The following SLC26A7 variants were observed in gnomAD, a reference collection of about 807,000 sequenced individuals.
SLC26A7 encodes solute carrier family 26 member 7.
Under a neutral mutation model 82.5 loss-of-function variants are expected in SLC26A7, and 59 were observed. The ratio of observed to expected loss-of-function variants is 0.72; its 90% CI spans 0.58 to 0.89. The LOEUF (loss-of-function observed/expected upper bound fraction) is 0.89. SLC26A7 is among the 40% of genes least tolerant of loss of function. SLC26A7 has a pLI of 0.00. For synonymous variants in SLC26A7, 271 were observed against 274.3 expected, an observed-to-expected ratio of 0.99 and a Z score of 0.12; for missense variants, 820 against 793.0, an observed-to-expected ratio of 1.03 and a Z score of -0.41.
chr8:91,226,111 T>C (rs1810236101), intron 2 of SLC26A7, among the ~76,000 whole-genome samples: 1 of 152,208 alleles, frequency 6.6e-6, no homozygotes, highest in South Asian at 2.1e-4. Context: ...CTTTATCAAA[T>C]GAATCTCTAC....
rs190062973 is a variant in SLC26A7 at position 91,352,833 on chromosome 8, C to A, written c.1219-68C>A. 202 of 1,241,420 alleles carry A rather than the reference C, an allele frequency of 1.6e-4. 1 individual carries two copies. The highest frequency in any genetic ancestry group is 2.0e-5 in the Non-Finnish European group (17 of 867,116). 76.9% of individuals were successfully genotyped at this position (1,241,420 alleles called of 1,614,324 possible). ...TTTAAAAACAAAAAAATAAAAATAC[C>A]TTAGCCCTTTTAAATTTAAGTTAAA... is the stretch of plus-strand genomic sequence containing the variant. On this transcript the variant is annotated intron_variant, in intron 10 of 18. Coordinates refer to ENST00000276609, the MANE Select transcript of SLC26A7 (RefSeq NM_052832.4).
rs1482221254 is a variant in SLC26A7 at position 91,249,752 on chromosome 8, T to TTTTGGATTG, written c.102_110dup (p.Asp36_Trp37insCysLeuAsp). On this transcript the variant is annotated inframe_insertion, in exon 2 of 19. Coordinates refer to ENST00000276609, the MANE Select transcript of SLC26A7 (RefSeq NM_052832.4). Reference sequence around the variant, plus strand: ...CAGTGGTGTAGAAGGCGACTGCCCATTTTGGATTGGGCACCACATTACAAT... The same window carrying TTTTGGATTG: ...CAGTGGTGTAGAAGGCGACTGCCCATTTTGGATTGTTTGGATTGGGCACCACATTACAAT... 6.2e-7 allele frequency: 1 copy of TTTTGGATTG among 1,612,416 alleles called. No homozygotes were observed. The highest frequency in any genetic ancestry group is 1.3e-5 in the African/African-American group (1 of 74,868).
Position 91,213,847 on chromosome 8 carries a change from T to C in SLC26A7, c.-150+4305T>C, listed in dbSNP as rs540680245. Among the ~76,000 whole-genome samples, 7 of 152,222 alleles carry C rather than the reference T, an allele frequency of 4.6e-5. No homozygotes were observed. In the East Asian group the frequency reaches 1.2e-3, roughly 25 times the overall value. On this transcript the variant is annotated intron_variant, in intron 1 of 5. Coordinates refer to the SLC26A7 transcript ENST00000522862. ...TAAATCATGTTCATAGGGCAGTGAA[T>C]CAGTTAGGTTGGTTTGTGGATAGGA...
At position 91,331,973 on chromosome 8, in the gene SLC26A7, C is replaced by T. The variant is rs1279523668; in HGVS notation, c.643-2322C>T. On this transcript the variant is annotated intron_variant, in intron 5 of 18. Coordinates refer to ENST00000276609, the MANE Select transcript of SLC26A7 (RefSeq NM_052832.4). The stretch of plus-strand genomic sequence containing the variant: ...TTCTGTTATCTGTTTATGTCCTCTG[C>T]TAATTTTAAAATATTTATTTTCTAT... Among the ~76,000 whole-genome samples the T allele has an allele frequency of 2.6e-5, 4 of 151,544 alleles. No homozygotes were observed. The East Asian group carries it at 7.7e-4, about 29-fold the overall frequency.
intron 2 of SLC26A7, among the ~76,000 whole-genome samples, chr8:91,229,974 G>C (rs1315739726): frequency 6.6e-6 from 1 of 151,960 alleles, no homozygotes; most frequent in African/African-American, 2.4e-5. Flanking sequence ...CTTCACCCCC[G>C]GCAAACAACC....
At chr8:91,368,882 A>C (rs908746825) in intron 14 of SLC26A7, among the ~76,000 whole-genome samples, 5 of 152,366 alleles carry the variant, frequency 3.3e-5, no homozygotes, top group East Asian at 1.9e-4. Context: ...AAATAGAGAG[A>C]GATAAAATAA....
intron 15 of SLC26A7, among the ~76,000 whole-genome samples, chr8:91,371,327 A>G (rs1451809769): frequency 6.6e-6 from 1 of 151,744 alleles, no homozygotes; most frequent in Non-Finnish European, 1.5e-5. Context: ...GACGTGCAGG[A>G]TGATTACACT....
chr8:91,317,722 C>T (rs1047066831), intron 4 of SLC26A7, among the ~76,000 whole-genome samples: 1 of 151,964 alleles, frequency 6.6e-6, no homozygotes, highest in African/African-American at 2.4e-5. Context: ...ATGTCTTTTC[C>T]TTTTTAAAAT....
At chr8:91,336,018 C>T (rs1356072620) in intron 6 of SLC26A7, among the ~76,000 whole-genome samples, 1 of 152,126 alleles carries the variant, frequency 6.6e-6, no homozygotes, top group Non-Finnish European at 1.5e-5. Context: ...ACTCCATCAC[C>T]ACTACGACTG....
intron 18 of SLC26A7, chr8:91,394,265 A>G (rs1189292007): frequency 1.2e-6 from 2 of 1,613,282 alleles, no homozygotes; most frequent in East Asian, 4.5e-5. Flanking sequence ...CAACAATGCC[A>G]CCGCTCTGAG....
At chr8:91,313,875 C>T (rs780601417) in intron 4 of SLC26A7, among the ~76,000 whole-genome samples, 9 of 152,208 alleles carry the variant, frequency 5.9e-5, no homozygotes, top group Non-Finnish European at 1.3e-4. Context: ...ATTCTATCCG[C>T]TTGGCTAATA....
At chr8:91,296,748 C>A (rs747762741) in intron 4 of SLC26A7, among the ~76,000 whole-genome samples, 5 of 152,108 alleles carry the variant, frequency 3.3e-5, no homozygotes, top group Non-Finnish European at 7.4e-5. Flanking sequence ...GACTGGTGGA[C>A]CAATCAGTAT....
At chr8:91,264,697 G>C (rs1452539641) in intron 2 of SLC26A7, among the ~76,000 whole-genome samples, 2 of 151,882 alleles carry the variant, frequency 1.3e-5, no homozygotes, top group African/African-American at 4.8e-5. Flanking sequence ...TTACTTTCAT[G>C]GTTTCCCAAA....
chr8:91,220,258 G>A (rs191523928), intron 2 of SLC26A7, among the ~76,000 whole-genome samples: 16 of 152,238 alleles, frequency 1.1e-4, no homozygotes, highest in South Asian at 6.2e-4. Flanking sequence ...TCAAAAATGC[G>A]TTACAGGGGT....
At chr8:91,323,183 T>A (rs555893835) in intron 5 of SLC26A7, among the ~76,000 whole-genome samples, 7 of 152,130 alleles carry the variant, frequency 4.6e-5, no homozygotes, top group Non-Finnish European at 8.8e-5. Flanking sequence ...GTGGGAATGT[T>A]CAGTATACCC....
chr8:91,237,266 T>A (rs1563638351), intron 2 of SLC26A7, among the ~76,000 whole-genome samples: 1 of 152,260 alleles, frequency 6.6e-6, no homozygotes, highest in Non-Finnish European at 1.5e-5. Context: ...ACAACATCAT[T>A]TATTTTTTGT....
chr8:91,307,324 ATGC>A (rs1248953475), intron 4 of SLC26A7, among the ~76,000 whole-genome samples: 1 of 130,146 alleles, frequency 7.7e-6, no homozygotes. Context: ...ACTATAAATC[ATGC>A]TGCTATAAAG....
At chr8:91,254,235 C>A (rs1231948557) in intron 2 of SLC26A7, among the ~76,000 whole-genome samples, 1 of 152,088 alleles carries the variant, frequency 6.6e-6, no homozygotes, top group East Asian at 1.9e-4. Flanking sequence ...TCACGCAGGG[C>A]CCACATCTCC....
intron 2 of SLC26A7, among the ~76,000 whole-genome samples, chr8:91,287,422 C>T (rs1310862879): frequency 6.6e-6 from 1 of 152,176 alleles, no homozygotes; most frequent in African/African-American, 2.4e-5. Flanking sequence ...CAGCTGCTTC[C>T]AGCTTTATGT....
Sources: gnomAD v4.1 joint callset for allele counts (sites outside exome capture counted in the v4.1 genomes callset) on GRCh38, gnomAD v4.1.1 for gene constraint, MANE v1.5 for transcripts, NCBI Gene and HGNC (gene_info 2026-07-23, HGNC 2026-07-21) for gene names.